The following CSMD3 variants were observed in gnomAD, a reference collection of about 807,000 sequenced individuals.
CSMD3 encodes the protein CUB and Sushi multiple domains 3.
In CSMD3, 177 loss-of-function variants were observed where a neutral mutation model predicts 435.2. The observed-to-expected ratio is 0.41, with a 90% CI of 0.36 to 0.46. The LOEUF is 0.46. Among genes scored for constraint, CSMD3 ranks in the 20% least tolerant of loss-of-function variants. The pLI, the probability that CSMD3 is intolerant of heterozygous loss-of-function variation, is 0.34. For synonymous variants in CSMD3, 1,656 were observed against 1,520.5 expected (o/e 1.09, Z -2.07); for missense variants, 4,265 against 4,504.6 (o/e 0.95, Z 1.52).
intron 2 of CSMD3, among the ~76,000 whole-genome samples, chr8:113,285,053 T>C (rs893967222): frequency 1.3e-5 from 2 of 152,200 alleles, no homozygotes; most frequent in East Asian, 3.9e-4. Flanking sequence ...AAATGATTTT[T>C]TTCTATGAAG....
At chr8:112,893,971 T>C (rs922790638) in intron 10 of CSMD3, among the ~76,000 whole-genome samples, 33 of 151,516 alleles carry the variant, frequency 2.2e-4, no homozygotes, top group Non-Finnish European at 2.7e-4. Context: ...AGGCACTGTG[T>C]TGTAACTTGA....
chr8:112,290,457 T>A (rs1009342200), intron 56 of CSMD3, among the ~76,000 whole-genome samples: 1 of 152,004 alleles, frequency 6.6e-6, no homozygotes, highest in Admixed American at 6.6e-5. Context: ...AATAAGTAAG[T>A]AAATTATTCA....
At chr8:112,887,472 T>G (rs901339974) in intron 10 of CSMD3, among the ~76,000 whole-genome samples, 6 of 151,732 alleles carry the variant, frequency 4.0e-5, no homozygotes, top group African/African-American at 1.4e-4. Flanking sequence ...ATGTAACTAC[T>G]TATATACATT....
chr8:112,943,085 A>G (rs978675615), intron 9 of CSMD3, among the ~76,000 whole-genome samples: 6 of 151,672 alleles, frequency 4.0e-5, no homozygotes, highest in Non-Finnish European at 8.9e-5. Flanking sequence ...ACATATGATA[A>G]TGAGCTTTAT....
chr8:113,134,363 C>T lies in CSMD3; in HGVS notation c.710-35400G>A, dbSNP rs73701332. On this transcript the variant is annotated intron_variant, in intron 4 of 70. Coordinates refer to ENST00000297405, the MANE Select transcript of CSMD3 (RefSeq NM_198123.2). Reference sequence around the variant, plus strand: ...TACCTTATTTAGTGCTCTATGATGACCCAATGTTCTATATGTATTAGACAT... The same window carrying T: ...TACCTTATTTAGTGCTCTATGATGATCCAATGTTCTATATGTATTAGACAT... Among the ~76,000 whole-genome samples the T allele has an allele frequency of 7.1e-3, 1,081 of 151,996 alleles. 17 individuals are homozygous for T. Among genetic ancestry groups the T allele is most frequent in the African/African-American group, 0.025 (1,032 of 41,492 alleles).
rs562657338 is a variant in CSMD3 at position 112,919,561 on chromosome 8, T to C, written c.1633+2066A>G. On this transcript the variant is annotated intron_variant, in intron 10 of 70. Coordinates refer to ENST00000297405, the MANE Select transcript of CSMD3 (RefSeq NM_198123.2). ...GTTCCTACATTAACATTAATCTCCT[T>C]TTCTCTGTCATCTATTTTCACATCC... Among the ~76,000 whole-genome samples the C allele has an allele frequency of 2.6e-5, 4 of 151,844 alleles. No individual in the cohort carries two copies. The South Asian group carries it at 8.3e-4, about 31-fold the overall frequency.
At chr8:112,829,617 A>G (rs1298630350) in intron 12 of CSMD3, 69 bp downstream of exon 12, 1 of 862,586 alleles carries the variant, frequency 1.2e-6, no homozygotes, top group East Asian at 2.5e-5. Flanking sequence ...AATGTAAAAC[A>G]ATAATTTGAA....
chr8:112,501,631 C>A (rs562673279), intron 30 of CSMD3, among the ~76,000 whole-genome samples: 1 of 152,246 alleles, frequency 6.6e-6, no homozygotes, highest in South Asian at 2.1e-4. Flanking sequence ...TTCGGCAATA[C>A]AGAGTTACAT....
intron 22 of CSMD3, among the ~76,000 whole-genome samples, chr8:112,616,678 T>C (rs1332611279): frequency 6.6e-6 from 1 of 152,080 alleles, no homozygotes; most frequent in Admixed American, 6.6e-5. Flanking sequence ...ATCAGCGTAA[T>C]GTCAGTTCCC....
intron 6 of CSMD3, among the ~76,000 whole-genome samples, chr8:112,985,469 C>A (rs571669332): frequency 6.3e-4 from 95 of 151,964 alleles, no homozygotes; most frequent in African/African-American, 2.2e-3. Context: ...ACAAGATTGG[C>A]ATTTTAGAGA....
chr8:112,980,721 A>G (rs2085020007), intron 6 of CSMD3, among the ~76,000 whole-genome samples: 1 of 151,570 alleles, frequency 6.6e-6, no homozygotes, highest in Admixed American at 6.6e-5. Flanking sequence ...GAGGGTATGA[A>G]GTGAAACAAA....
At chr8:112,235,052 C>G (rs1283366582) in intron 67 of CSMD3, among the ~76,000 whole-genome samples, 1 of 152,018 alleles carries the variant, frequency 6.6e-6, no homozygotes, top group Non-Finnish European at 1.5e-5. Context: ...CTAGAATGAT[C>G]AAGGAATAGT....
intron 4 of CSMD3, among the ~76,000 whole-genome samples, chr8:113,135,738 T>G (rs1442436397): frequency 6.6e-6 from 1 of 151,882 alleles, no homozygotes; most frequent in Non-Finnish European, 1.5e-5. Context: ...TCCAATTACT[T>G]GGATCCTTTC....
intron 3 of CSMD3, among the ~76,000 whole-genome samples, chr8:113,242,546 C>G (rs1356326405): frequency 6.6e-6 from 1 of 152,004 alleles, no homozygotes. Context: ...ATTAGATCAT[C>G]ATCAAACTGC....
intron 13 of CSMD3, among the ~76,000 whole-genome samples, chr8:112,779,448 T>A (rs537317397): frequency 6.6e-6 from 1 of 151,972 alleles, no homozygotes; most frequent in African/African-American, 2.4e-5. Context: ...GCCTATGAAC[T>A]TTTTTCCCTT....
intron 29 of CSMD3, among the ~76,000 whole-genome samples, chr8:112,506,352 T>C (rs11782892): frequency 0.25 from 37,912 of 152,036 alleles, 5,576 homozygotes; most frequent in East Asian, 0.38. Flanking sequence ...ACTGATTACA[T>C]CAACCTTAGA....
In CSMD3 at chr8:112,596,206, G is replaced by A. The variant is rs867904836; in HGVS notation, c.3716-8971C>T. ...CAATTGGAAAACAAAAAAAGGCAGGGGTTGCAATCCTAGTCTCTGATAAAA... is the reference window on the plus strand; with the variant it reads ...CAATTGGAAAACAAAAAAAGGCAGGAGTTGCAATCCTAGTCTCTGATAAAA... On this transcript the variant is annotated intron_variant, in intron 22 of 70. Transcript: ENST00000297405. Among the ~76,000 whole-genome samples, 213 of 150,056 alleles carry A rather than the reference G, an allele frequency of 1.4e-3. 2 individuals are homozygous for A. The highest frequency in any genetic ancestry group is 4.9e-3 in the African/African-American group (202 of 41,254).
At chr8:113,111,413 C>T (rs1185496615) in intron 4 of CSMD3, among the ~76,000 whole-genome samples, 2 of 152,082 alleles carry the variant, frequency 1.3e-5, no homozygotes, top group Non-Finnish European at 2.9e-5. Context: ...TGCCTGTAGA[C>T]TCCCTGCTGT....
chr8:113,186,157 G>A (rs1419481746), intron 3 of CSMD3, among the ~76,000 whole-genome samples: 1 of 151,972 alleles, frequency 6.6e-6, no homozygotes. Context: ...AAAGGGTTCT[G>A]CATGGCCATC....
Sources: gnomAD v4.1 joint callset for allele counts (sites outside exome capture counted in the v4.1 genomes callset) on GRCh38, gnomAD v4.1.1 for gene constraint, MANE v1.5 for transcripts, NCBI Gene and HGNC (gene_info 2026-07-23, HGNC 2026-07-21) for gene names.